The following FARS2 variants were observed in gnomAD, a reference collection of about 807,000 sequenced individuals.
FARS2 encodes phenylalanine--tRNA ligase, mitochondrial.
FARS2 carries 40 observed loss-of-function variants against 46.4 expected under a neutral mutation model. The ratio of observed to expected loss-of-function variants is 0.86; its 90% CI spans 0.67 to 1.12. The LOEUF (loss-of-function observed/expected upper bound fraction) is 1.12, where lower values mean the gene tolerates loss of function less well. Ranked by LOEUF, FARS2 falls within the 50% of genes most tolerant of loss-of-function variation. The pLI is 0.00. For synonymous variants in FARS2, 234 were observed against 214.9 expected, an observed-to-expected ratio of 1.09 and a Z score of -0.78; for missense variants, 513 against 567.9, an observed-to-expected ratio of 0.90 and a Z score of 0.98.
chr6:5,698,604 A>G (rs1168357891), intron 6 of FARS2, among the ~76,000 whole-genome samples: 1 of 152,178 alleles, frequency 6.6e-6, no homozygotes, highest in African/African-American at 2.4e-5. Flanking sequence ...ATTAGGATCA[A>G]GATCTTCAAG....
At chr6:5,335,788 A>T (rs1311882081) in intron 1 of FARS2, among the ~76,000 whole-genome samples, 1 of 152,226 alleles carries the variant, frequency 6.6e-6, no homozygotes, top group Admixed American at 6.5e-5. Flanking sequence ...AGCCAATTGG[A>T]AAGTGAAAAA....
intron 4 of FARS2, among the ~76,000 whole-genome samples, chr6:5,532,219 T>C (rs1333274084): frequency 1.3e-5 from 2 of 152,226 alleles, no homozygotes; most frequent in African/African-American, 4.8e-5. Flanking sequence ...TGTTTTGAAA[T>C]ACCTTGAACA....
intron 6 of FARS2, among the ~76,000 whole-genome samples, chr6:5,634,482 G>C (rs921424355): frequency 6.6e-6 from 1 of 151,812 alleles, no homozygotes; most frequent in Non-Finnish European, 1.5e-5. Context: ...TTTGTTTTTT[G>C]GTTTTTTTGT....
rs183741333 is a variant in FARS2, at chr6:5,306,711, T to G, written c.-22+45051T>G. 9.8e-4 allele frequency among the ~76,000 whole-genome samples: 149 copies of G among 152,298 alleles called. 2 individuals are homozygous for G. Among genetic ancestry groups the G allele is most frequent in the Admixed American group, 2.4e-3 (37 of 15,306 alleles). ...AAAAGATGATATACTTAATCCTACT[T>G]TTGGATTAGTGGACAGGATGATTTT... On this transcript the variant is annotated intron_variant, in intron 1 of 6. Transcript: ENST00000274680.
At chr6:5,532,711 A>G (rs986655166) in intron 4 of FARS2, among the ~76,000 whole-genome samples, 2 of 152,124 alleles carry the variant, frequency 1.3e-5, no homozygotes, top group Non-Finnish European at 2.9e-5. Context: ...AGATTGTGCC[A>G]TTGCACTCCA....
intron 5 of FARS2, among the ~76,000 whole-genome samples, chr6:5,552,484 C>CT (rs1771426366): frequency 6.6e-6 from 1 of 152,070 alleles, no homozygotes; most frequent in Non-Finnish European, 1.5e-5. Flanking sequence ...TCTGTGGTGT[C>CT]TTTCTCTGTG....
At chr6:5,695,428 G>T (rs1231685560) in intron 6 of FARS2, among the ~76,000 whole-genome samples, 2 of 152,256 alleles carry the variant, frequency 1.3e-5, no homozygotes, top group African/African-American at 4.8e-5. Flanking sequence ...ATTTGCTGGA[G>T]CTGTTAAGTG....
intron 5 of FARS2, among the ~76,000 whole-genome samples, chr6:5,602,146 C>A (rs1416159458): frequency 6.6e-6 from 1 of 152,102 alleles, no homozygotes; most frequent in Non-Finnish European, 1.5e-5. Context: ...GATAGTGCTA[C>A]CCTGTTTCAG....
At chr6:5,474,166 C>A (rs1195157013) in intron 4 of FARS2, among the ~76,000 whole-genome samples, 1 of 152,246 alleles carries the variant, frequency 6.6e-6, no homozygotes, top group East Asian at 1.9e-4. Context: ...TCTCCAATGG[C>A]ACATGCCGCT....
At chr6:5,687,316 GT>G (rs1197141988) in intron 6 of FARS2, among the ~76,000 whole-genome samples, 4 of 152,182 alleles carry the variant, frequency 2.6e-5, no homozygotes, top group Non-Finnish European at 5.9e-5. Flanking sequence ...TTCTTCTAGG[GT>G]TTTTATGGTT....
intron 6 of FARS2, among the ~76,000 whole-genome samples, chr6:5,741,798 A>G (rs9328330): frequency 0.34 from 51,177 of 152,012 alleles, 13,297 homozygotes; most frequent in African/African-American, 0.72. Flanking sequence ...TTACAGGCAC[A>G]TGCCACCACC....
At chr6:5,594,520 A>C (rs1774091673) in intron 5 of FARS2, among the ~76,000 whole-genome samples, 1 of 152,212 alleles carries the variant, frequency 6.6e-6, no homozygotes, top group Non-Finnish European at 1.5e-5. Flanking sequence ...ATTTAAACTA[A>C]AGAAATGTTA....
chr6:5,638,526 C>T (rs1321986325), intron 6 of FARS2, among the ~76,000 whole-genome samples: 2 of 152,220 alleles, frequency 1.3e-5, no homozygotes, highest in East Asian at 3.9e-4. Context: ...GATCGTGCCA[C>T]TGCACTCCAG....
intron 4 of FARS2, among the ~76,000 whole-genome samples, chr6:5,531,908 T>A (rs1298163030): frequency 6.6e-6 from 1 of 152,214 alleles, no homozygotes; most frequent in Admixed American, 6.5e-5. Context: ...TGCAGTGCTT[T>A]TATTCCTGCA....
At chr6:5,436,735 G>A (rs141694717) in intron 4 of FARS2, among the ~76,000 whole-genome samples, 3 of 152,122 alleles carry the variant, frequency 2.0e-5, no homozygotes, top group African/African-American at 4.8e-5. Flanking sequence ...TACTTGGAGA[G>A]GTTATTTAAA....
intron 1 of FARS2, among the ~76,000 whole-genome samples, chr6:5,317,635 C>A (rs1320777391): frequency 6.6e-6 from 1 of 151,956 alleles, no homozygotes; most frequent in Non-Finnish European, 1.5e-5. Flanking sequence ...CAAAAATTAG[C>A]TGGGCATGGT....
intron 2 of FARS2, among the ~76,000 whole-genome samples, chr6:5,373,961 C>G (rs1320289376): frequency 6.6e-6 from 1 of 151,968 alleles, no homozygotes; most frequent in African/African-American, 2.4e-5. Context: ...TGAGCACTGA[C>G]TAACTGAATA....
At chr6:5,268,288 G>A (rs912251213) in intron 1 of FARS2, among the ~76,000 whole-genome samples, 1 of 151,856 alleles carries the variant, frequency 6.6e-6, no homozygotes, top group African/African-American at 2.4e-5. Context: ...CCATGCCTAT[G>A]TCCTGAATGG....
chr6:5,450,285 AC>A (rs1208767104), intron 4 of FARS2, among the ~76,000 whole-genome samples: 1 of 151,780 alleles, frequency 6.6e-6, no homozygotes, highest in East Asian at 1.9e-4. Context: ...ATCTAGTGTG[AC>A]TTGGGGAAGC....
Sources: allele counts gnomAD v4.1 joint callset (sites outside exome capture counted in the v4.1 genomes callset), GRCh38; gene constraint gnomAD v4.1.1; transcripts MANE v1.5; gene names NCBI Gene and HGNC (gene_info 2026-07-23, HGNC 2026-07-21).